DGKI: variants seen among roughly 807,000 people sequenced by gnomAD.
DGKI encodes DAG kinase iota.
In DGKI, 55 loss-of-function variants were observed where a neutral mutation model predicts 147.5. That is an observed-to-expected ratio of 0.37 (90% confidence interval 0.30 to 0.47). The LOEUF (loss-of-function observed/expected upper bound fraction) is 0.47. Among genes scored for constraint, DGKI ranks in the 20% least tolerant of loss-of-function variants. The probability of loss-of-function intolerance (pLI) is 1.00; values close to 1 mark genes in which losing one functional copy is unlikely to be tolerated. For missense variants in DGKI, 1,007 were observed against 1,323.8 expected, an observed-to-expected ratio of 0.76 and a Z score of 3.71; for synonymous variants, 469 against 477.1, an observed-to-expected ratio of 0.98 and a Z score of 0.22.
chr7:137,569,734 A>AAAAAAAAAAAC, intron 19 of DGKI, among the ~76,000 whole-genome samples: 1 of 29,034 alleles, frequency 3.4e-5, no homozygotes, highest in Non-Finnish European at 5.2e-5. Context: ...GTCTCAAAAA[A>AAAAAAAAAAAC]AAAAAAAAAA....
intron 25 of DGKI, 23 bp from the exon 26 acceptor site, chr7:137,466,058 T>C (rs752231466): frequency 6.2e-7 from 1 of 1,611,844 alleles, no homozygotes; most frequent in East Asian, 2.2e-5. Context: ...AAGAAGTCTG[T>C]TGCATGAAGA....
intron 21 of DGKI, among the ~76,000 whole-genome samples, chr7:137,494,440 C>CT (rs1815886258): frequency 1.3e-5 from 2 of 152,066 alleles, no homozygotes; most frequent in Non-Finnish European, 2.9e-5. Context: ...AGGTCACCTA[C>CT]AAAGGAAACC....
chr7:137,405,844 CAT>C (rs976203941), intron 30 of DGKI, among the ~76,000 whole-genome samples: 1 of 152,134 alleles, frequency 6.6e-6, no homozygotes, highest in African/African-American at 2.4e-5. Context: ...AAGCCCCAAA[CAT>C]GTGAGAGTCC....
At chr7:137,561,026 A>G (rs1343512510) in intron 19 of DGKI, among the ~76,000 whole-genome samples, 3 of 152,178 alleles carry the variant, frequency 2.0e-5, no homozygotes, top group Admixed American at 6.5e-5. Context: ...AGGTTCCTCA[A>G]AAAACAACAA....
At chr7:137,738,723 T>G in intron 1 of DGKI, among the ~76,000 whole-genome samples, 1 of 9,274 alleles carries the variant, frequency 1.1e-4, no homozygotes, top group Non-Finnish European at 2.1e-4. Flanking sequence ...GAAGATGAGG[T>G]TCCCCCCCCC....
intron 1 of DGKI, among the ~76,000 whole-genome samples, chr7:137,753,687 C>A (rs1156644689): frequency 6.6e-6 from 1 of 152,174 alleles, no homozygotes; most frequent in Non-Finnish European, 1.5e-5. Context: ...TCTCTCTTCA[C>A]ATTCAAAATC....
In DGKI at chr7:137,463,576, C is replaced by T. The variant is rs78898727; in HGVS notation, c.2648G>A (p.Arg883His). 42 of 1,614,126 alleles carry T rather than the reference C, an allele frequency of 2.6e-5. No individual in the cohort carries two copies. The Admixed American group carries it at 3.7e-4, about 14-fold the overall frequency. The change falls in exon 27 of 33, where the codon CGC becomes CAC. Residue 883 changes from arginine (R) to histidine (H), a missense_variant. Transcript: ENST00000614521. ...CCCCAGCCCACTGTCACTCAGCATG[C>T]GTTTCCGCAGGGCAGGATTCCACCA... ...SDWWNPALRK[R>H]MLSDSGLGMI...
rs116314672 is a variant in DGKI at position 137,798,133 on chromosome 7, C to T, written c.401+48329G>A. Among the ~76,000 whole-genome samples, 478 of 152,120 alleles carry T rather than the reference C, an allele frequency of 3.1e-3. 1 individual carries two copies. Among genetic ancestry groups the T allele is most frequent in the African/African-American group, 0.011 (461 of 41,512 alleles). ...CCTATAAAGACATAAACTACTGAGA[C>T]TGACTAAAGAAAAAAACAGAAAATG... On this transcript the variant is annotated intron_variant, in intron 1 of 32. Coordinates refer to ENST00000614521, the MANE Select transcript of DGKI (RefSeq NM_001321708.2).
chr7:137,514,574 G>A (rs1816690432), intron 21 of DGKI, among the ~76,000 whole-genome samples: 2 of 152,040 alleles, frequency 1.3e-5, no homozygotes, highest in South Asian at 4.2e-4. Context: ...GCTCCTCCTT[G>A]GTATTGCTCC....
intron 14 of DGKI, among the ~76,000 whole-genome samples, chr7:137,583,231 TG>T (rs1199923488): frequency 1.3e-5 from 2 of 152,162 alleles, no homozygotes. Context: ...GCCTTAGAAA[TG>T]GTCTCCACTA....
intron 26 of DGKI, among the ~76,000 whole-genome samples, chr7:137,464,071 C>T (rs1359569848): frequency 2.0e-5 from 3 of 151,720 alleles, no homozygotes; most frequent in Non-Finnish European, 4.4e-5. Flanking sequence ...AAGCATTTGG[C>T]CATTATTTGA....
intron 28 of DGKI, among the ~76,000 whole-genome samples, chr7:137,423,976 A>T (rs1456158415): frequency 3.3e-5 from 5 of 152,198 alleles, no homozygotes; most frequent in East Asian, 1.9e-4. Context: ...CCAACCCATC[A>T]TCTACTTTAG....
At chr7:137,420,757 G>A (rs563957324) in intron 28 of DGKI, among the ~76,000 whole-genome samples, 6 of 152,238 alleles carry the variant, frequency 3.9e-5, no homozygotes, top group South Asian at 2.1e-4. Flanking sequence ...TGTGGCCCAC[G>A]CCTGTAATCC....
intron 12 of DGKI, among the ~76,000 whole-genome samples, chr7:137,595,088 AATATAG>A: frequency 6.6e-6 from 1 of 152,356 alleles, no homozygotes; most frequent in East Asian, 1.9e-4. Flanking sequence ...CAGATGTTAA[AATATAG>A]ATAATGTCCC....
At chr7:137,842,437 T>C (rs933462448) in intron 1 of DGKI, among the ~76,000 whole-genome samples, 1 of 152,228 alleles carries the variant, frequency 6.6e-6, no homozygotes, top group Non-Finnish European at 1.5e-5. Context: ...TTCTATCTCA[T>C]ACCAAAAACT....
At chr7:137,548,804 C>T (rs973207958) in intron 20 of DGKI, among the ~76,000 whole-genome samples, 11 of 152,072 alleles carry the variant, frequency 7.2e-5, no homozygotes, top group African/African-American at 1.2e-4. Flanking sequence ...CCTGTCTCTA[C>T]CAAAAATACA....
intron 1 of DGKI, among the ~76,000 whole-genome samples, chr7:137,788,379 T>C (rs1298546678): frequency 6.6e-6 from 1 of 152,022 alleles, no homozygotes; most frequent in Non-Finnish European, 1.5e-5. Flanking sequence ...CCCCTTCCCT[T>C]CCCTTCACTG....
chr7:137,701,675 T>C (rs1261861655), intron 1 of DGKI, among the ~76,000 whole-genome samples: 1 of 152,054 alleles, frequency 6.6e-6, no homozygotes, highest in Non-Finnish European at 1.5e-5. Flanking sequence ...CTATAAAACA[T>C]CACTGATAAA....
intron 1 of DGKI, among the ~76,000 whole-genome samples, chr7:137,692,477 A>C (rs1264921851): frequency 6.6e-6 from 1 of 152,210 alleles, no homozygotes; most frequent in Non-Finnish European, 1.5e-5. Flanking sequence ...GATACAAAAA[A>C]ATTTTTTTAA....
Sources: gnomAD v4.1 joint callset for allele counts (sites outside exome capture counted in the v4.1 genomes callset) on GRCh38, gnomAD v4.1.1 for gene constraint, MANE v1.5 for transcripts, NCBI Gene and HGNC (gene_info 2026-07-23, HGNC 2026-07-21) for gene names.